Variants in RNF38 observed in about 807,000 individuals in gnomAD.
RNF38 encodes the protein ring finger protein 38.
In RNF38, 15 loss-of-function variants were observed where a neutral mutation model predicts 67.2. That is an observed-to-expected ratio of 0.22 (90% CI 0.15 to 0.34). The LOEUF (loss-of-function observed/expected upper bound fraction) is 0.34, where lower values mean the gene tolerates loss of function less well. Among genes scored for constraint, RNF38 ranks in the 10% least tolerant of loss-of-function variants. The pLI is 1.00. For synonymous variants in RNF38, 220 were observed against 218.8 expected, an observed-to-expected ratio of 1.01 and a Z score of -0.05; for missense variants, 524 against 639.9, an observed-to-expected ratio of 0.82 and a Z score of 1.95.
Position 36,400,084 on chromosome 9 carries a change from A to G in RNF38, c.12+13T>C, listed in dbSNP as rs1837887688. ...CATATATCATTTTTGCAACACAAAGAAAAATACTTTACCTTACAAGCCATA... is the reference window on the plus strand; with the variant it reads ...CATATATCATTTTTGCAACACAAAGGAAAATACTTTACCTTACAAGCCATA... On this transcript the variant is annotated intron_variant, in intron 1 of 11. Coordinates refer to ENST00000259605, the MANE Select transcript of RNF38 (RefSeq NM_022781.5). 6.2e-7 allele frequency: 1 copy of G among 1,611,950 alleles called. No individual in the cohort carries two copies. Among genetic ancestry groups the G allele is most frequent in the East Asian group, 2.2e-5 (1 of 44,860 alleles).
At chr9:36,341,507 G>A (rs1832828947) in intron 11 of RNF38, among the ~76,000 whole-genome samples, 1 of 151,840 alleles carries the variant, frequency 6.6e-6, no homozygotes, top group South Asian at 2.1e-4. Flanking sequence ...TTCTTTTACT[G>A]TATCACATTT....
chr9:36,343,441 G>A (rs1832990162), intron 10 of RNF38, among the ~76,000 whole-genome samples: 1 of 152,088 alleles, frequency 6.6e-6, no homozygotes, highest in African/African-American at 2.4e-5. Context: ...GGAAAATGAA[G>A]CAAGGATCAG....
At chr9:36,386,316 A>G (rs964885544) in intron 2 of RNF38, among the ~76,000 whole-genome samples, 6 of 152,214 alleles carry the variant, frequency 3.9e-5, no homozygotes, top group African/African-American at 1.4e-4. Flanking sequence ...ATATGAATTT[A>G]AAAACAATTC....
intron 9 of RNF38, 130 bp from the exon 10 acceptor site, chr9:36,345,083 C>A: frequency 3.4e-6 from 3 of 888,302 alleles, no homozygotes; most frequent in Non-Finnish European, 4.8e-6. Flanking sequence ...CAGGCATGAT[C>A]ATTGTGCACT....
chr9:36,368,361 T>G (rs372567539), intron 4 of RNF38, among the ~76,000 whole-genome samples: 108 of 152,310 alleles, frequency 7.1e-4, no homozygotes, highest in African/African-American at 2.2e-3. Flanking sequence ...TTTTCTTTCT[T>G]TGGCTCCATC....
At position 36,357,950 on chromosome 9, in the gene RNF38, G is replaced by C; in HGVS notation, c.571-8C>G. Reference sequence around the variant, plus strand: ...GACTGTTCCTTGATGGAGCTTTAAAGGAAAAAACAAATGAACAAACTTTAG... The same window carrying C: ...GACTGTTCCTTGATGGAGCTTTAAACGAAAAAACAAATGAACAAACTTTAG... On this transcript the variant is annotated splice_polypyrimidine_tract_variant and splice_region_variant and intron_variant, in intron 4 of 11. Coordinates refer to ENST00000259605, the MANE Select transcript of RNF38 (RefSeq NM_022781.5). 1 of 1,602,342 alleles carries C rather than the reference G, an allele frequency of 6.2e-7. No individual in the cohort carries two copies. The highest frequency in any genetic ancestry group is 8.5e-7 in the Non-Finnish European group (1 of 1,173,640).
intron 4 of RNF38, among the ~76,000 whole-genome samples, chr9:36,362,805 T>C (rs929829710): frequency 6.6e-6 from 1 of 152,062 alleles, no homozygotes; most frequent in Non-Finnish European, 1.5e-5. Flanking sequence ...AGCTAATTTT[T>C]GTATTTTTAG....
chr9:36,404,515 G>T (rs1838133615), upstream of RNF38, among the ~76,000 whole-genome samples: 1 of 152,190 alleles, frequency 6.6e-6, no homozygotes, highest in African/African-American at 2.4e-5. Context: ...ATCTAGAAAT[G>T]AGTTAAGGAA....
intron 2 of RNF38, among the ~76,000 whole-genome samples, chr9:36,409,488 C>G (rs190444974): frequency 6.6e-6 from 1 of 152,156 alleles, no homozygotes; most frequent in Admixed American, 6.5e-5. Context: ...AAGAAACATT[C>G]GAATGCTGCA....
intron 1 of RNF38, among the ~76,000 whole-genome samples, chr9:36,483,796 C>T (rs1840336863): frequency 6.6e-6 from 1 of 152,198 alleles, no homozygotes; most frequent in South Asian, 2.1e-4. Context: ...TCCTTCTCTG[C>T]TAGACCCTTT....
chr9:36,381,861 T>C (rs888542707), intron 2 of RNF38, among the ~76,000 whole-genome samples: 6 of 152,260 alleles, frequency 3.9e-5, no homozygotes, highest in Non-Finnish European at 8.8e-5. Context: ...TCCCAGACCA[T>C]GGTCACTCAT....
At chr9:36,384,890 T>C (rs944612761) in intron 2 of RNF38, among the ~76,000 whole-genome samples, 1 of 152,194 alleles carries the variant, frequency 6.6e-6, no homozygotes, top group Non-Finnish European at 1.5e-5. Context: ...TGCTAACGAA[T>C]ATACAGTGCA....
rs1057401876 is a variant in RNF38, at chr9:36,474,270, G to A, written n.241+13038C>T. Among the ~76,000 whole-genome samples, 6 of 126,432 alleles carry A rather than the reference G, an allele frequency of 4.7e-5. 1 individual carries two copies. The highest frequency in any genetic ancestry group is 2.9e-4 in the South Asian group (1 of 3,508). 82.9% of individuals were successfully genotyped at this position (126,432 alleles called of 152,430 possible). A position where few individuals can be genotyped will look rare whatever the true frequency, so the allele number is the denominator to read the frequency against. ...GGAGCTTGCAGTGAGCCAAGATCAC[G>A]CCACTGCACTCCAGCCTGGGCGACA... On this transcript the variant is annotated intron_variant and non_coding_transcript_variant, in intron 1 of 3. Transcript: ENST00000488058.
chr9:36,357,193 G>A (rs1408881408), intron 5 of RNF38, among the ~76,000 whole-genome samples: 2 of 152,034 alleles, frequency 1.3e-5, no homozygotes, highest in African/African-American at 4.8e-5. Flanking sequence ...AAGCTTCAGA[G>A]GCAAGAAAAA....
chr9:36,483,998 A>G (rs1840340486), intron 1 of RNF38, among the ~76,000 whole-genome samples: 1 of 152,202 alleles, frequency 6.6e-6, no homozygotes, highest in Non-Finnish European at 1.5e-5. Context: ...GTAAAGTATC[A>G]CGTGGGTCAA....
Position 36,375,801 on chromosome 9 carries a change from C to T in RNF38, c.356+133G>A, listed in dbSNP as rs1835744805. On this transcript the variant is annotated intron_variant, in intron 3 of 11. Transcript: ENST00000259605. ...TGGAAATCTAGGCAACTTTCTTTTT[C>T]GTGAGTGAATGTACGTGTATATGTG... 5.3e-6 allele frequency: 4 copies of T among 751,348 alleles called. No individual in the cohort carries two copies. In the South Asian group the frequency reaches 6.2e-5, roughly 12 times the overall value. The allele number at this position is 751,348 out of a possible 1,614,324, so 46.5% of individuals were successfully genotyped here. A position where few individuals can be genotyped will look rare whatever the true frequency, so the allele number is the denominator to read the frequency against.
intron 1 of RNF38, among the ~76,000 whole-genome samples, chr9:36,433,933 A>G (rs1352419383): frequency 6.6e-6 from 1 of 151,872 alleles, no homozygotes; most frequent in Non-Finnish European, 1.5e-5. Context: ...TAACTGACTC[A>G]GTGAAAAATA....
At chr9:36,432,552 A>T (rs1293106105) in intron 1 of RNF38, among the ~76,000 whole-genome samples, 1 of 152,004 alleles carries the variant, frequency 6.6e-6, no homozygotes, top group Non-Finnish European at 1.5e-5. Context: ...GCGCTTTGGG[A>T]GGCAGAGGCG....
intron 2 of RNF38, among the ~76,000 whole-genome samples, chr9:36,413,693 A>AATTTT (rs1838388922): frequency 1.7e-5 from 1 of 57,988 alleles, no homozygotes; most frequent in Non-Finnish European, 3.4e-5. Flanking sequence ...GTCTATTCCT[A>AATTTT]GTTTTGTTTG....
Sources: gnomAD v4.1 joint callset for allele counts (sites outside exome capture counted in the v4.1 genomes callset) on GRCh38, gnomAD v4.1.1 for gene constraint, MANE v1.5 for transcripts, NCBI Gene and HGNC (gene_info 2026-07-23, HGNC 2026-07-21) for gene names.